The following ADAM2 variants were observed in gnomAD, a reference collection of about 807,000 sequenced individuals.
ADAM2 encodes the protein disintegrin and metalloproteinase domain-containing protein 2.
A neutral mutation model predicts 99.3 loss-of-function variants in ADAM2; 101 were observed. That is an observed-to-expected ratio of 1.02 (90% CI 0.87 to 1.20). The LOEUF (loss-of-function observed/expected upper bound fraction) is 1.20, where lower values mean the gene tolerates loss of function less well. ADAM2 is among the 50% of genes most tolerant of loss of function. The probability of loss-of-function intolerance (pLI) is 0.00; values close to 1 mark genes in which losing one functional copy is unlikely to be tolerated. For synonymous variants in ADAM2, 323 were observed against 287.6 expected, an observed-to-expected ratio of 1.12 and a Z score of -1.25; for missense variants, 948 against 878.7, an observed-to-expected ratio of 1.08 and a Z score of -1.00.
rs555623406 is a variant in ADAM2 at position 39,808,122 on chromosome 8, T to A, written c.570+1288A>T. Among the ~76,000 whole-genome samples, 240 of 151,490 alleles carry A rather than the reference T, an allele frequency of 1.6e-3. 2 individuals carry two copies. Among genetic ancestry groups the A allele is most frequent in the African/African-American group, 5.5e-3 (228 of 41,254 alleles). Reference sequence around the variant, plus strand: ...AGAAAATAAATAAAAAGGCTTCACATTGGAAAGGCTAAAACAAAGTTATGT... The same window carrying A: ...AGAAAATAAATAAAAAGGCTTCACAATGGAAAGGCTAAAACAAAGTTATGT... On this transcript the variant is annotated intron_variant, in intron 7 of 20. Coordinates refer to ENST00000265708, the MANE Select transcript of ADAM2 (RefSeq NM_001464.5).
intron 7 of ADAM2, among the ~76,000 whole-genome samples, chr8:39,793,504 C>T (rs537126616): frequency 6.6e-6 from 1 of 152,194 alleles, no homozygotes; most frequent in African/African-American, 2.4e-5. Flanking sequence ...GTAGAGATTA[C>T]AATGAGAAAC....
intron 3 of ADAM2, among the ~76,000 whole-genome samples, chr8:39,833,630 A>G (rs1467322943): frequency 2.0e-5 from 3 of 152,168 alleles, no homozygotes; most frequent in African/African-American, 7.2e-5. Flanking sequence ...TACCTTGAAT[A>G]TAAAAGAACT....
At chr8:39,798,942 G>A (rs192423387) in intron 7 of ADAM2, among the ~76,000 whole-genome samples, 189 of 151,754 alleles carry the variant, frequency 1.2e-3, no homozygotes, top group African/African-American at 4.3e-3. Context: ...TTCTTTATTA[G>A]TCTAGCTTGC....
intron 14 of ADAM2, among the ~76,000 whole-genome samples, chr8:39,764,266 T>TG (rs1802478856): frequency 6.6e-6 from 1 of 152,030 alleles, no homozygotes; most frequent in Non-Finnish European, 1.5e-5. Context: ...GAAAAAATAG[T>TG]GGGCATGGTG....
chr8:39,756,398 T>C (rs1802154152), intron 15 of ADAM2, among the ~76,000 whole-genome samples: 4 of 152,202 alleles, frequency 2.6e-5, no homozygotes, highest in African/African-American at 9.6e-5. Flanking sequence ...ACATAGGTAG[T>C]ATGTCCTACA....
At chr8:39,779,716 A>G (rs1426516700) in intron 10 of ADAM2, among the ~76,000 whole-genome samples, 1 of 152,198 alleles carries the variant, frequency 6.6e-6, no homozygotes, top group East Asian at 1.9e-4. Context: ...AACAGCAACA[A>G]GCATTTATTA....
chr8:39,824,245 T>C (rs1805309112), intron 4 of ADAM2, among the ~76,000 whole-genome samples: 1 of 144,532 alleles, frequency 6.9e-6, no homozygotes, highest in Non-Finnish European at 1.5e-5. Flanking sequence ...ATCGCGCCAT[T>C]GCACTCCAGC....
At chr8:39,760,126 C>A (rs1186241383) in intron 15 of ADAM2, among the ~76,000 whole-genome samples, 2 of 152,124 alleles carry the variant, frequency 1.3e-5, no homozygotes, top group Non-Finnish European at 2.9e-5. Flanking sequence ...CTCAGCCTCC[C>A]AAAGTGCTGG....
At position 39,788,153 on chromosome 8, in the gene ADAM2, T is replaced by C; in HGVS notation, c.741A>G (p.Leu247=). The C allele has an allele frequency of 6.3e-7, 1 of 1,590,018 alleles. No homozygotes were observed. Among genetic ancestry groups the C allele is most frequent in the Non-Finnish European group, 8.6e-7 (1 of 1,167,796 alleles). ...IATTGEANEL[L]HTFLRWKTSY... is the part of the protein sequence containing the mutation. ...ATGTTTTCCATCTTAAAAATGTGTG[T>C]AATAACTCATTAGCTTCTCCAGTGG... The change falls in exon 9 of 21, where the codon TTA becomes TTG. Residue 247 remains leucine (L), a synonymous_variant. Transcript: ENST00000265708.
At chr8:39,776,491 G>A (rs1197688289) in intron 11 of ADAM2, among the ~76,000 whole-genome samples, 4 of 152,060 alleles carry the variant, frequency 2.6e-5, no homozygotes, top group Non-Finnish European at 5.9e-5. Context: ...CTGGCTATTT[G>A]ATCGTATTTC....
chr8:39,764,296 G>A (rs1469515767), intron 14 of ADAM2, among the ~76,000 whole-genome samples: 1 of 152,144 alleles, frequency 6.6e-6, no homozygotes, highest in African/African-American at 2.4e-5. Context: ...TGTAGTCCCT[G>A]CTACTTGGGA....
chr8:39,821,456 G>A, intron 5 of ADAM2, 130 bp downstream of exon 5: 3 of 686,314 alleles, frequency 4.4e-6, no homozygotes, highest in Non-Finnish European at 7.3e-6. Flanking sequence ...TCCATACCAT[G>A]CTTTGTGAGT....
At chr8:39,794,023 G>C (rs1367671949) in intron 7 of ADAM2, among the ~76,000 whole-genome samples, 1 of 152,098 alleles carries the variant, frequency 6.6e-6, no homozygotes, top group African/African-American at 2.4e-5. Context: ...TAGCCATCTG[G>C]GTGAATAATC....
At chr8:39,756,268 A>G (rs1245940909) in intron 15 of ADAM2, among the ~76,000 whole-genome samples, 1 of 152,196 alleles carries the variant, frequency 6.6e-6, no homozygotes, top group East Asian at 1.9e-4. Flanking sequence ...CCCAAGCTCA[A>G]ATGAATTTAA....
At chr8:39,750,224 T>C (rs1823674122) in intron 16 of ADAM2, among the ~76,000 whole-genome samples, 1 of 152,062 alleles carries the variant, frequency 6.6e-6, no homozygotes, top group Non-Finnish European at 1.5e-5. Flanking sequence ...TGGAAGACCG[T>C]ATTGAACCTT....
intron 6 of ADAM2, among the ~76,000 whole-genome samples, chr8:39,819,405 T>C: frequency 6.6e-6 from 1 of 152,024 alleles, no homozygotes; most frequent in East Asian, 1.9e-4. Flanking sequence ...GAATAAAACA[T>C]TTAGAAGAAA....
At chr8:39,815,910 A>T (rs569195189) in intron 6 of ADAM2, among the ~76,000 whole-genome samples, 1 of 152,334 alleles carries the variant, frequency 6.6e-6, no homozygotes, top group South Asian at 2.1e-4. Context: ...TAGAACTTTT[A>T]AAGTTTTAAA....
intron 7 of ADAM2, among the ~76,000 whole-genome samples, chr8:39,808,675 T>C (rs1052265803): frequency 6.6e-6 from 1 of 152,152 alleles, no homozygotes; most frequent in African/African-American, 2.4e-5. Flanking sequence ...CCCAGCACTT[T>C]GGGAGGCCGA....
intron 3 of ADAM2, 113 bp from the exon 4 acceptor site, chr8:39,825,010 G>C: frequency 1.6e-6 from 1 of 618,090 alleles, no homozygotes; most frequent in South Asian, 2.0e-5. Context: ...GAGAAACAGA[G>C]GGATATTTTC....
Sources: gnomAD v4.1 joint callset for allele counts (sites outside exome capture counted in the v4.1 genomes callset) on GRCh38, gnomAD v4.1.1 for gene constraint, MANE v1.5 for transcripts, NCBI Gene and HGNC (gene_info 2026-07-23, HGNC 2026-07-21) for gene names.